CAST: variants seen among roughly 807,000 people sequenced by gnomAD.
CAST encodes MIR583 host.
In CAST, 76 loss-of-function variants were observed where a neutral mutation model predicts 119.6. The ratio of observed to expected loss-of-function variants is 0.64; its 90% confidence interval spans 0.53 to 0.77. The LOEUF is 0.77. CAST is among the 30% of genes least tolerant of loss of function. CAST has a pLI of 0.00. For synonymous variants in CAST, 319 were observed against 331.6 expected, an observed-to-expected ratio of 0.96 and a Z score of 0.41; for missense variants, 953 against 946.5, an observed-to-expected ratio of 1.01 and a Z score of -0.09.
At chr5:96,626,667 C>T (rs187891807) in intron 1 of CAST, among the ~76,000 whole-genome samples, 8 of 152,320 alleles carry the variant, frequency 5.3e-5, no homozygotes, top group Admixed American at 4.6e-4. Context: ...TCCACAAAGC[C>T]CCTTGCTTCC....
chr5:96,698,924 T>C (rs1753596526), intron 3 of CAST, among the ~76,000 whole-genome samples: 1 of 152,204 alleles, frequency 6.6e-6, no homozygotes, highest in African/African-American at 2.4e-5. Context: ...AGCTATGTAT[T>C]AGAGAATGGT....
At chr5:96,275,046 A>G in the CAST span, among the ~76,000 whole-genome samples, 11 of 152,212 alleles carry the variant, frequency 7.2e-5, no homozygotes, top group African/African-American at 2.4e-4. Context: ...AAGTTAGTCA[A>G]TTAACACGTT....
At chr5:96,284,579 C>T in the CAST span, among the ~76,000 whole-genome samples, 1,704 of 152,220 alleles carry the variant, frequency 0.011, 37 homozygotes, top group African/African-American at 0.04. Context: ...GGCTTTGGAG[C>T]GTGATCGATC....
At chr5:96,431,998 C>T in the CAST span, 1 of 929,808 alleles carries the variant, frequency 1.1e-6, no homozygotes, top group Admixed American at 2.0e-5. Flanking sequence ...TGACGCCCAC[C>T]CACCTCCAAC....
At chr5:96,278,640 G>A in the CAST span, 3 of 152,196 alleles carry the variant, frequency 2.0e-5, no homozygotes, top group African/African-American at 7.2e-5. Flanking sequence ...GGAAGAGGAA[G>A]ATGTCCCCTG....
At chr5:96,172,834 A>G in the CAST span, among the ~76,000 whole-genome samples, 6 of 152,316 alleles carry the variant, frequency 3.9e-5, 1 homozygote, top group South Asian at 1.2e-3. Flanking sequence ...CTTAAATGAC[A>G]CTACTGATTG....
At chr5:96,103,385 T>G in the CAST span, among the ~76,000 whole-genome samples, 2 of 134,954 alleles carry the variant, frequency 1.5e-5, no homozygotes, top group Admixed American at 8.5e-5. Context: ...GAGTGTGATG[T>G]TCCCCTTCCT....
the CAST span, among the ~76,000 whole-genome samples, chr5:96,471,883 A>T: frequency 6.6e-6 from 1 of 152,076 alleles, no homozygotes; most frequent in Non-Finnish European, 1.5e-5. Flanking sequence ...TCAGCTAAAG[A>T]CACATTCAGG....
chr5:96,662,476 C>T lies in CAST; in HGVS notation c.54C>T (p.Ala18=), dbSNP rs1431746487. Residue 18 remains alanine, a synonymous_variant, in exon 1 of 32, where the codon GCC becomes GCT. Coordinates refer to ENST00000675179, the MANE Select transcript of CAST (RefSeq NM_001750.7). ...PAASPRPRRA[A]AARRTHEHVS... is the part of the protein sequence containing the mutation. ...CCTCCCCGCGGCCCCGGCGAGCAGC[C>T]GCCGCCCGCCGCACCCATGAGGTGA... is the stretch of plus-strand genomic sequence containing the variant. 1 of 1,427,984 alleles carries T rather than the reference C, an allele frequency of 7.0e-7. No individual in the cohort carries two copies. Among genetic ancestry groups the T allele is most frequent in the Non-Finnish European group, 9.1e-7 (1 of 1,094,698 alleles). The allele number at this position is 1,427,984 out of a possible 1,614,324, so 88.5% of individuals were successfully genotyped here.
chr5:96,517,309 C>A, the CAST span, among the ~76,000 whole-genome samples: 1 of 152,118 alleles, frequency 6.6e-6, no homozygotes, highest in Admixed American at 6.5e-5. Flanking sequence ...ACTTCATTTT[C>A]TCTCCCATCT....
chr5:96,069,373 G>C, the CAST span, among the ~76,000 whole-genome samples: 17 of 110,592 alleles, frequency 1.5e-4, no homozygotes, highest in South Asian at 6.1e-4. Flanking sequence ...GTGTGTGTGT[G>C]TGTGTGTGTC....
chr5:96,605,010 T>C (rs1177852480), intron 1 of CAST, among the ~76,000 whole-genome samples: 1 of 152,076 alleles, frequency 6.6e-6, no homozygotes, highest in Non-Finnish European at 1.5e-5. Context: ...ACCCGGGACA[T>C]AGAGAACCAA....
chr5:96,400,115 T>C, the CAST span: 2 of 1,614,130 alleles, frequency 1.2e-6, no homozygotes, highest in African/African-American at 2.7e-5. Flanking sequence ...CCATCCAGGG[T>C]TATTGGCCAG....
At chr5:96,074,610 G>C in the CAST span, among the ~76,000 whole-genome samples, 1 of 152,230 alleles carries the variant, frequency 6.6e-6, no homozygotes, top group African/African-American at 2.4e-5. Flanking sequence ...GGGCTGGCTA[G>C]TACAGGTGGG....
chr5:96,054,166 C>T, the CAST span, among the ~76,000 whole-genome samples: 3 of 151,844 alleles, frequency 2.0e-5, no homozygotes, highest in Admixed American at 6.6e-5. Context: ...TAGTTTTTTT[C>T]CAAACCAGTT....
chr5:96,684,742 A>G (rs1347215765), intron 2 of CAST, among the ~76,000 whole-genome samples: 1 of 151,862 alleles, frequency 6.6e-6, no homozygotes, highest in African/African-American at 2.4e-5. Flanking sequence ...TTTTTAAAAA[A>G]TATTTTTAGT....
chr5:96,661,804 G>A (rs1475943142), upstream of CAST, among the ~76,000 whole-genome samples: 1 of 152,218 alleles, frequency 6.6e-6, no homozygotes, highest in African/African-American at 2.4e-5. Context: ...ATTAAAATTC[G>A]AAACTGCCAA....
chr5:96,659,982 C>T (rs998267545), upstream of CAST, among the ~76,000 whole-genome samples: 8 of 152,018 alleles, frequency 5.3e-5, no homozygotes, highest in African/African-American at 1.9e-4. Context: ...CATTGTTTAG[C>T]AATTGTTCTG....
chr5:96,658,657 C>T (rs970973354), upstream of CAST, among the ~76,000 whole-genome samples: 3 of 152,190 alleles, frequency 2.0e-5, no homozygotes, highest in African/African-American at 7.2e-5. Flanking sequence ...TAATTGCAAC[C>T]AGCATTTATT....
Sources: allele counts gnomAD v4.1 joint callset (sites outside exome capture counted in the v4.1 genomes callset), GRCh38; gene constraint gnomAD v4.1.1; transcripts MANE v1.5; gene names NCBI Gene and HGNC (gene_info 2026-07-23, HGNC 2026-07-21).